PTPRG: variants seen among roughly 807,000 people sequenced by gnomAD.
PTPRG encodes protein tyrosine phosphatase receptor type G.
Under a neutral mutation model 165.3 loss-of-function variants are expected in PTPRG, and 102 were observed. That is an observed-to-expected ratio of 0.62 (90% CI 0.53 to 0.73). PTPRG has a LOEUF of 0.73. Ranked by LOEUF, PTPRG falls within the 30% of genes least tolerant of loss-of-function variation. The pLI is 0.00. For synonymous variants in PTPRG, 675 were observed against 669.5 expected, an observed-to-expected ratio of 1.01 and a Z score of -0.13; for missense variants, 1,866 against 1,861.4, an observed-to-expected ratio of 1.00 and a Z score of -0.05.
chr3:62,251,954 G>T (rs1431027157), intron 15 of PTPRG, among the ~76,000 whole-genome samples: 1 of 152,122 alleles, frequency 6.6e-6, no homozygotes, highest in Admixed American at 6.5e-5. Context: ...ACAGTCCCTG[G>T]TAACCAGTAA....
At chr3:61,698,006 T>C (rs1177337100) in intron 1 of PTPRG, among the ~76,000 whole-genome samples, 2 of 152,200 alleles carry the variant, frequency 1.3e-5, no homozygotes, top group African/African-American at 4.8e-5. Flanking sequence ...TTTTATCCTG[T>C]AATTGTATTT....
intron 2 of PTPRG, among the ~76,000 whole-genome samples, chr3:61,808,914 T>C (rs995805945): frequency 3.3e-5 from 5 of 151,278 alleles, no homozygotes; most frequent in African/African-American, 1.2e-4. Flanking sequence ...TGAGGTGTAG[T>C]ATACCATTAA....
intron 2 of PTPRG, among the ~76,000 whole-genome samples, chr3:61,879,409 T>C (rs565551270): frequency 1.4e-4 from 21 of 152,310 alleles, no homozygotes; most frequent in Admixed American, 1.2e-3. Flanking sequence ...TTTCTGTAGT[T>C]TTCAGTGTAT....
chr3:61,862,343 G>A (rs868925), intron 2 of PTPRG, among the ~76,000 whole-genome samples: 62,959 of 150,250 alleles, frequency 0.42, 14,201 homozygotes, highest in East Asian at 0.61. Flanking sequence ...ACCATAACTA[G>A]TATTAAAGAT....
At chr3:61,697,744 T>G (rs2030690434) in intron 1 of PTPRG, among the ~76,000 whole-genome samples, 1 of 152,184 alleles carries the variant, frequency 6.6e-6, no homozygotes, top group Non-Finnish European at 1.5e-5. Flanking sequence ...CCTTCAAAAT[T>G]GCCCACAGCC....
intron 2 of PTPRG, among the ~76,000 whole-genome samples, chr3:61,816,972 A>G (rs543770995): frequency 1.2e-4 from 17 of 136,958 alleles, no homozygotes; most frequent in Non-Finnish European, 3.0e-5. Context: ...TTCAGTAATC[A>G]CTTATATATA....
At position 62,191,428 on chromosome 3, in the gene PTPRG, T is replaced by C. The variant is rs777871007; in HGVS notation, c.1034-41T>C. ...TAGGGGCACGGATTGAATGGCGCAT[T>C]GTTCTGAAAGCTCCCTGAGCTGAGC... On this transcript the variant is annotated intron_variant, in intron 8 of 29. Coordinates refer to ENST00000474889, the MANE Select transcript of PTPRG (RefSeq NM_002841.4). 1.9e-6 allele frequency: 3 copies of C among 1,593,754 alleles called. No homozygotes were observed. In the Admixed American group the frequency reaches 5.2e-5, roughly 28 times the overall value.
Position 62,102,355 on chromosome 3 carries a change from A to G in PTPRG, c.615+24097A>G, listed in dbSNP as rs534248125. Among the ~76,000 whole-genome samples, 134 of 151,976 alleles carry G rather than the reference A, an allele frequency of 8.8e-4. 1 individual carries two copies. The highest frequency in any genetic ancestry group is 3.0e-3 in the African/African-American group (124 of 41,438). On this transcript the variant is annotated intron_variant, in intron 5 of 29. Transcript: ENST00000474889. ...AGTGGCGCAATCTTGGCTCACTGCA[A>G]CCTCCGCCTCCTGGGTTCAAGCAGT...
intron 4 of PTPRG, among the ~76,000 whole-genome samples, chr3:62,004,913 T>G (rs1020689891): frequency 7.2e-5 from 11 of 152,214 alleles, no homozygotes; most frequent in Admixed American, 5.9e-4. Context: ...TATCTACACA[T>G]AGATTTACAT....
At chr3:62,161,869 C>T (rs1704777173) in intron 7 of PTPRG, among the ~76,000 whole-genome samples, 1 of 152,178 alleles carries the variant, frequency 6.6e-6, no homozygotes, top group Non-Finnish European at 1.5e-5. Flanking sequence ...ACGACCTGCC[C>T]TGTCATCCCT....
At position 62,210,036 on chromosome 3, in the gene PTPRG, T is replaced by G. The variant is rs1700322006; in HGVS notation, c.2155+6086T>G. Among the ~76,000 whole-genome samples the G allele has an allele frequency of 6.6e-6, 1 of 152,174 alleles. No individual in the cohort carries two copies. The highest frequency in any genetic ancestry group is 2.4e-5 in the African/African-American group (1 of 41,432). On this transcript the variant is annotated intron_variant, in intron 12 of 29. Transcript: ENST00000474889. The surrounding 1 kb of genome is among the most constrained non-coding windows in gnomAD (Gnocchi z 4.1). ...CGTCTTTTAGGGGCTTGGAATTAAA[T>G]TAGGATTTATCAAATGCCTCCCCAC... is the stretch of plus-strand genomic sequence containing the variant.
chr3:62,106,629 A>G (rs1702483145), intron 5 of PTPRG, among the ~76,000 whole-genome samples: 1 of 149,844 alleles, frequency 6.7e-6, no homozygotes, highest in Non-Finnish European at 1.5e-5. Flanking sequence ...CAGCCTCCCC[A>G]GTAGCTGGGA....
Position 62,245,599 on chromosome 3 carries a change from T to A in PTPRG, c.2467+1701T>A, listed in dbSNP as rs1416263396. ...GAAATCTTTGTTCAGTGCCTTCACC[T>A]CTCTGAACCTTAGTTTCCAGAATCT... On this transcript the variant is annotated intron_variant, in intron 15 of 29. Coordinates refer to ENST00000474889, the MANE Select transcript of PTPRG (RefSeq NM_002841.4). This position sits in a 1 kb window ranked among gnomAD's most constrained non-coding sequence, Gnocchi z 4.2. Among the ~76,000 whole-genome samples the A allele has an allele frequency of 6.6e-6, 1 of 152,122 alleles. No homozygotes were observed. The highest frequency in any genetic ancestry group is 2.4e-5 in the African/African-American group (1 of 41,452).
chr3:61,569,384 A>G (rs1025981653), intron 1 of PTPRG, among the ~76,000 whole-genome samples: 2 of 152,166 alleles, frequency 1.3e-5, no homozygotes, highest in African/African-American at 4.8e-5. Context: ...CTAACTCCTA[A>G]AGTCTTTGTG....
intron 1 of PTPRG, among the ~76,000 whole-genome samples, chr3:61,681,771 A>G (rs1464557493): frequency 6.6e-6 from 1 of 152,146 alleles, no homozygotes; most frequent in Admixed American, 6.5e-5. Context: ...AACTTTTTTA[A>G]GCTCCTGAAT....
chr3:61,896,956 T>A lies in PTPRG; in HGVS notation c.191-92669T>A, dbSNP rs536938239. Among the ~76,000 whole-genome samples the A allele has an allele frequency of 1.5e-3, 225 of 152,106 alleles. 1 individual carries two copies. The highest frequency in any genetic ancestry group is 1.9e-3 in the Non-Finnish European group (131 of 67,972). On this transcript the variant is annotated intron_variant, in intron 2 of 29. Coordinates refer to ENST00000474889, the MANE Select transcript of PTPRG (RefSeq NM_002841.4). ...ATTAAATTTTGAGAGGTTTTTTTTTTAATATATTCTGAATACTAGTCCTTT... is the reference window on the plus strand; with the variant it reads ...ATTAAATTTTGAGAGGTTTTTTTTTAAATATATTCTGAATACTAGTCCTTT...
chr3:61,677,867 G>A (rs1409535499), intron 1 of PTPRG, among the ~76,000 whole-genome samples: 4 of 152,266 alleles, frequency 2.6e-5, no homozygotes, highest in South Asian at 4.1e-4. Flanking sequence ...GTGTTGGGCC[G>A]TGGATGGGAG....
rs369930706 is a variant in PTPRG at position 62,049,149 on chromosome 3, C to T, written c.520-29014C>T. 5.9e-5 allele frequency among the ~76,000 whole-genome samples: 9 copies of T among 151,668 alleles called. No individual in the cohort carries two copies. The East Asian group carries it at 9.6e-4, about 16-fold the overall frequency. ...AAAAAAAACAGAAGCCGGGGAGAAA[C>T]GTATCTCATCGTCCCTCTTTTGTAT... is the stretch of plus-strand genomic sequence containing the variant. On this transcript the variant is annotated intron_variant, in intron 4 of 29. Transcript: ENST00000474889.
chr3:61,579,737 T>G (rs1700241415), intron 1 of PTPRG, among the ~76,000 whole-genome samples: 1 of 152,198 alleles, frequency 6.6e-6, no homozygotes, highest in Non-Finnish European at 1.5e-5. Context: ...TTGGGTACTT[T>G]AAGAGCTGAG....
Sources: allele counts gnomAD v4.1 joint callset (sites outside exome capture counted in the v4.1 genomes callset), GRCh38; gene constraint gnomAD v4.1.1; non-coding constraint Gnocchi (gnomAD v3.1); transcripts MANE v1.5; gene names NCBI Gene and HGNC (gene_info 2026-07-23, HGNC 2026-07-21).